The following SNX25 variants were observed in gnomAD, a reference collection of about 807,000 sequenced individuals.
SNX25 encodes sorting nexin-25.
Under a neutral mutation model 113.7 loss-of-function variants are expected in SNX25, and 62 were observed. The ratio of observed to expected loss-of-function variants is 0.55; its 90% CI spans 0.44 to 0.67. The LOEUF is 0.67. Among genes scored for constraint, SNX25 ranks in the 30% least tolerant of loss-of-function variants. The pLI is 0.00. For synonymous variants in SNX25, 421 were observed against 436.2 expected, an observed-to-expected ratio of 0.97 and a Z score of 0.43; for missense variants, 1,014 against 1,161.0, an observed-to-expected ratio of 0.87 and a Z score of 1.84.
At chr4:185,374,613 G>T, downstream of SNX25, 1 of 773,784 alleles carries the variant, frequency 1.3e-6, no homozygotes, top group East Asian at 2.7e-5. Context: ...CCTGGATTCT[G>T]CAGGGCAAGC....
At chr4:185,378,040 A>G in the SNX25 span, 16 of 1,494,432 alleles carry the variant, frequency 1.1e-5, no homozygotes, top group South Asian at 1.2e-4. Context: ...ATGAACTGTT[A>G]AAGTGTTTTC....
intron 1 of SNX25, among the ~76,000 whole-genome samples, chr4:185,242,567 G>C (rs990313658): frequency 1.1e-4 from 17 of 152,232 alleles, no homozygotes; most frequent in African/African-American, 4.1e-4. Flanking sequence ...ATGAAGAAAT[G>C]CTACGGTGAG....
the SNX25 span, chr4:185,378,036 T>G: frequency 2.7e-6 from 4 of 1,460,238 alleles, no homozygotes; most frequent in African/African-American, 5.7e-5. Context: ...CAAAATGAAC[T>G]GTTAAAGTGT....
Position 185,232,553 on chromosome 4 carries a change from T to C in SNX25, c.430-14741T>C, listed in dbSNP as rs1360194406. ...TCAAAAATGGACCATTTAAAATGTT[T>C]CCTCACAGTTAACAAATTAACTAAG... On this transcript the variant is annotated intron_variant, in intron 1 of 18. Coordinates refer to ENST00000652585, the MANE Select transcript of SNX25 (RefSeq NM_001378034.2). This position sits in a 1 kb window ranked among gnomAD's most constrained non-coding sequence, Gnocchi z 4.4. Among the ~76,000 whole-genome samples, 2 of 152,200 alleles carry C rather than the reference T, an allele frequency of 1.3e-5. No homozygotes were observed. Among genetic ancestry groups the C allele is most frequent in the Admixed American group, 6.5e-5 (1 of 15,270 alleles).
chr4:185,216,460 CAAA>C (rs531958645), intron 1 of SNX25, among the ~76,000 whole-genome samples: 2 of 133,120 alleles, frequency 1.5e-5, no homozygotes, highest in African/African-American at 5.7e-5. Context: ...AAACCTGGGA[CAAA>C]AAACAATGCT....
intron 17 of SNX25, 83 bp downstream of exon 17, chr4:185,362,188 G>C: frequency 7.0e-7 from 1 of 1,437,270 alleles, no homozygotes; most frequent in Non-Finnish European, 9.2e-7. Flanking sequence ...TTTATGTCTT[G>C]CAGGAAACAT....
At chr4:185,272,502 T>A (rs977893183) in intron 5 of SNX25, among the ~76,000 whole-genome samples, 5 of 152,206 alleles carry the variant, frequency 3.3e-5, no homozygotes, top group Non-Finnish European at 5.9e-5. Context: ...AACTGTGTGC[T>A]AATGAAAATG....
intron 6 of SNX25, among the ~76,000 whole-genome samples, chr4:185,306,089 CG>C (rs1476262664): frequency 1.3e-5 from 2 of 152,186 alleles, no homozygotes; most frequent in Admixed American, 6.5e-5. Context: ...AGCTGGGTCA[CG>C]GGGTGTTGTC....
chr4:185,342,209 TG>T, intron 12 of SNX25, 93 bp downstream of exon 12: 1 of 1,365,944 alleles, frequency 7.3e-7, no homozygotes, highest in Non-Finnish European at 9.6e-7. Flanking sequence ...CTTCTTCCTT[TG>T]CTGTTGATAC....
intron 1 of SNX25, among the ~76,000 whole-genome samples, chr4:185,233,128 A>G (rs1457288654): frequency 6.6e-6 from 1 of 152,082 alleles, no homozygotes; most frequent in East Asian, 1.9e-4. Context: ...TACTAAAAAT[A>G]TAAAAATTAG....
In SNX25 at chr4:185,232,113, C is replaced by T. The variant is rs1214648591; in HGVS notation, c.430-15181C>T. ...AGCTAGTTAATGTGAAAAACACACT[C>T]ACCCGTCTAAACCCAAAGAATGGAC... is the stretch of plus-strand genomic sequence containing the variant. On this transcript the variant is annotated intron_variant, in intron 1 of 18. Transcript: ENST00000652585. This position sits in a 1 kb window ranked among gnomAD's most constrained non-coding sequence, Gnocchi z 4.4. 6.6e-6 allele frequency among the ~76,000 whole-genome samples: 1 copy of T among 152,140 alleles called. No homozygotes were observed. Among genetic ancestry groups the T allele is most frequent in the African/African-American group, 2.4e-5 (1 of 41,406 alleles).
chr4:185,277,756 G>A (rs1302220196), intron 5 of SNX25, among the ~76,000 whole-genome samples: 1 of 21,304 alleles, frequency 4.7e-5, no homozygotes, highest in African/African-American at 1.6e-4. Context: ...TTTTTGAGAC[G>A]GAGTCTCGCT....
chr4:185,336,324 G>C (rs531968077), intron 10 of SNX25, among the ~76,000 whole-genome samples: 1 of 151,944 alleles, frequency 6.6e-6, no homozygotes, highest in Non-Finnish European at 1.5e-5. Context: ...CTCATCCCCC[G>C]CCAACCCTTT....
rs772841903 is a variant in SNX25 at position 185,243,887 on chromosome 4, A to G, written c.430-3407A>G. 5.9e-5 allele frequency among the ~76,000 whole-genome samples: 9 copies of G among 152,252 alleles called. No individual in the cohort carries two copies. The East Asian group carries it at 7.7e-4, about 13-fold the overall frequency. On this transcript the variant is annotated intron_variant, in intron 1 of 18. Coordinates refer to ENST00000652585, the MANE Select transcript of SNX25 (RefSeq NM_001378034.2). ...AAAAGTTTTGAAGGAAGTTATAAAG[A>G]TAGACACATATCCAAAGAATATGCT...
At chr4:185,311,784 T>G (rs2063011654) in intron 7 of SNX25, among the ~76,000 whole-genome samples, 1 of 152,172 alleles carries the variant, frequency 6.6e-6, no homozygotes, top group Admixed American at 6.5e-5. Context: ...CAGCCTTGAC[T>G]TTCTTAGTTT....
At chr4:185,368,006 C>T (rs1041169213), downstream of SNX25, among the ~76,000 whole-genome samples, 1 of 152,026 alleles carries the variant, frequency 6.6e-6, no homozygotes, top group Admixed American at 6.6e-5. Flanking sequence ...AGTGAAACTC[C>T]GTCTCTACTA....
chr4:185,268,120 T>C (rs1290426470), intron 5 of SNX25, among the ~76,000 whole-genome samples: 1 of 152,174 alleles, frequency 6.6e-6, no homozygotes, highest in Non-Finnish European at 1.5e-5. Flanking sequence ...AATGAGGCTA[T>C]AATAGACTGA....
intron 1 of SNX25, among the ~76,000 whole-genome samples, chr4:185,224,466 AATATATAAATATATAGATATATAAATAG>A (rs1740564654): frequency 9.7e-6 from 1 of 103,620 alleles, no homozygotes; most frequent in Non-Finnish European, 2.1e-5. Context: ...TAGATATATA[AATATATAAATATATAGATATATAAATAG>A]ATATATAAAT....
chr4:185,374,708 T>G (rs1378897669), downstream of SNX25, among the ~76,000 whole-genome samples: 1 of 152,150 alleles, frequency 6.6e-6, no homozygotes, highest in Non-Finnish European at 1.5e-5. Context: ...TTCCTTCCTT[T>G]TACAGCTGCC....
Sources: gnomAD v4.1 joint callset for allele counts (sites outside exome capture counted in the v4.1 genomes callset) on GRCh38, gnomAD v4.1.1 for gene constraint, Gnocchi (gnomAD v3.1) non-coding constraint, MANE v1.5 for transcripts, NCBI Gene and HGNC (gene_info 2026-07-23, HGNC 2026-07-21) for gene names.